ABTB3: variants seen among roughly 807,000 people sequenced by gnomAD.
ABTB3 encodes ankyrin repeat and BTB domain containing 3, also known as ankyrin repeat- and BTB/POZ domain-containing protein 3.
At chr12:107,369,705 TG>T in the ABTB3 span, among the ~76,000 whole-genome samples, 13 of 86,584 alleles carry the variant, frequency 1.5e-4, no homozygotes, top group African/African-American at 5.1e-4. Flanking sequence ...AGCCCAAACA[TG>T]GTTTTTTTTT....
chr12:107,402,507 T>A, the ABTB3 span, among the ~76,000 whole-genome samples: 1 of 152,162 alleles, frequency 6.6e-6, no homozygotes, highest in Non-Finnish European at 1.5e-5. Flanking sequence ...TGGTACCCCA[T>A]CTCCTTCCTC....
At chr12:107,385,082 C>G in the ABTB3 span, among the ~76,000 whole-genome samples, 1 of 152,224 alleles carries the variant, frequency 6.6e-6, no homozygotes, top group South Asian at 2.1e-4. Context: ...TGCCCATTCA[C>G]TGAGCAATGA....
the ABTB3 span, among the ~76,000 whole-genome samples, chr12:107,594,950 C>A: frequency 3.2e-3 from 494 of 152,078 alleles, no homozygotes; most frequent in African/African-American, 0.011. Flanking sequence ...GGGGGGCACT[C>A]TGTGTATTGC....
chr12:107,375,753 C>A, the ABTB3 span, among the ~76,000 whole-genome samples: 5 of 152,200 alleles, frequency 3.3e-5, no homozygotes, highest in African/African-American at 1.2e-4. Flanking sequence ...CCTTCCACCT[C>A]CACTGCCCTC....
chr12:107,568,148 T>G, the ABTB3 span, among the ~76,000 whole-genome samples: 1 of 152,236 alleles, frequency 6.6e-6, no homozygotes, highest in Non-Finnish European at 1.5e-5. Context: ...TCTAGCAGAC[T>G]TGAGATCAAA....
chr12:107,573,141 T>C, the ABTB3 span, among the ~76,000 whole-genome samples: 1 of 152,214 alleles, frequency 6.6e-6, no homozygotes, highest in Non-Finnish European at 1.5e-5. Context: ...ATGAGGCCTC[T>C]GTTTCATGGT....
the ABTB3 span, among the ~76,000 whole-genome samples, chr12:107,537,010 A>G: frequency 6.6e-6 from 1 of 152,242 alleles, no homozygotes; most frequent in South Asian, 2.1e-4. Context: ...TGGATAAAGA[A>G]AATGTGTATA....
chr12:107,625,875 G>T, the ABTB3 span, among the ~76,000 whole-genome samples: 1 of 152,356 alleles, frequency 6.6e-6, no homozygotes, highest in Non-Finnish European at 1.5e-5. Flanking sequence ...AGCCTGGCAA[G>T]AGTAGAAGTC....
the ABTB3 span, among the ~76,000 whole-genome samples, chr12:107,327,003 C>T: frequency 0.018 from 2,704 of 152,246 alleles, 80 homozygotes; most frequent in African/African-American, 0.063. Context: ...TGTTATTTTT[C>T]GTGGCCACAC....
chr12:107,472,726 A>G, the ABTB3 span, among the ~76,000 whole-genome samples: 1 of 152,170 alleles, frequency 6.6e-6, no homozygotes, highest in African/African-American at 2.4e-5. Flanking sequence ...GGTTCCCCAG[A>G]TGTTTATCTG....
the ABTB3 span, among the ~76,000 whole-genome samples, chr12:107,487,807 GA>G: frequency 1.3e-5 from 2 of 152,034 alleles, no homozygotes; most frequent in African/African-American, 2.4e-5. Context: ...AAGGACACTG[GA>G]AAAAAAGTTA....
the ABTB3 span, among the ~76,000 whole-genome samples, chr12:107,602,116 C>T: frequency 3.9e-5 from 6 of 152,164 alleles, no homozygotes; most frequent in African/African-American, 1.4e-4. Flanking sequence ...AGGAGGGCCA[C>T]GAGCCTGGTA....
At chr12:107,412,285 T>C in the ABTB3 span, among the ~76,000 whole-genome samples, 4 of 152,200 alleles carry the variant, frequency 2.6e-5, no homozygotes, top group Non-Finnish European at 5.9e-5. Context: ...ATTCTGAAGT[T>C]TGGCAAGTTC....
At chr12:107,533,477 T>C in the ABTB3 span, among the ~76,000 whole-genome samples, 2 of 152,176 alleles carry the variant, frequency 1.3e-5, 1 homozygote, top group East Asian at 3.8e-4. Context: ...AGTAGCTATA[T>C]TTATTTCAGA....
At chr12:107,596,256 C>T in the ABTB3 span, among the ~76,000 whole-genome samples, 12 of 152,326 alleles carry the variant, frequency 7.9e-5, no homozygotes, top group East Asian at 3.9e-4. Context: ...AGGAAACACA[C>T]GGGTGGATTC....
chr12:107,488,006 C>T, the ABTB3 span, among the ~76,000 whole-genome samples: 1 of 151,676 alleles, frequency 6.6e-6, no homozygotes, highest in Non-Finnish European at 1.5e-5. Flanking sequence ...GGTGGGCTCT[C>T]AGTGTGGGAA....
At chr12:107,613,435 C>A in the ABTB3 span, among the ~76,000 whole-genome samples, 3 of 152,172 alleles carry the variant, frequency 2.0e-5, no homozygotes, top group Non-Finnish European at 4.4e-5. Context: ...CATGTCCCCC[C>A]AGAAACCCTC....
the ABTB3 span, among the ~76,000 whole-genome samples, chr12:107,461,386 C>A: frequency 6.6e-6 from 1 of 151,996 alleles, no homozygotes; most frequent in East Asian, 1.9e-4. Context: ...TGGAAGAAGG[C>A]CACGTGATGA....
chr12:107,398,321 T>C, the ABTB3 span, among the ~76,000 whole-genome samples: 1 of 152,238 alleles, frequency 6.6e-6, no homozygotes, highest in African/African-American at 2.4e-5. Flanking sequence ...AGAGTCATTT[T>C]TCAGAGCAAT....
Sources: allele counts gnomAD v4.1 joint callset (sites outside exome capture counted in the v4.1 genomes callset), GRCh38; gene constraint gnomAD v4.1.1; transcripts MANE v1.5; gene names NCBI Gene and HGNC (gene_info 2026-07-23, HGNC 2026-07-21).